The following ZFP64 variants were observed in gnomAD, a reference collection of about 807,000 sequenced individuals.
ZFP64 encodes the protein zinc finger protein 64.
A neutral mutation model predicts 51.6 loss-of-function variants in ZFP64; 14 were observed. The observed-to-expected ratio is 0.27, with a 90% CI of 0.18 to 0.42. ZFP64 has a LOEUF of 0.42. Ranked by LOEUF, ZFP64 falls within the 10% of genes least tolerant of loss-of-function variation. The probability of loss-of-function intolerance (pLI) is 1.00; values close to 1 mark genes in which losing one functional copy is unlikely to be tolerated. For missense variants in ZFP64, 754 were observed against 906.8 expected (o/e 0.83, Z 2.16); for synonymous variants, 375 against 361.4 (o/e 1.04, Z -0.43).
intron 5 of ZFP64, among the ~76,000 whole-genome samples, chr20:52,111,840 G>A (rs1422521550): frequency 6.6e-6 from 1 of 151,906 alleles, no homozygotes; most frequent in Non-Finnish European, 1.5e-5. Context: ...CCAGCACTTT[G>A]GGAGGCTGAG....
intron 8 of ZFP64, among the ~76,000 whole-genome samples, chr20:52,086,375 G>C (rs1479361481): frequency 6.6e-6 from 1 of 152,014 alleles, no homozygotes; most frequent in Admixed American, 6.6e-5. Flanking sequence ...GCTCATTTGG[G>C]GGCACATTTT....
intron 5 of ZFP64, among the ~76,000 whole-genome samples, chr20:52,143,781 C>T (rs1980386391): frequency 1.4e-5 from 2 of 142,312 alleles, no homozygotes; most frequent in East Asian, 4.9e-4. Context: ...AATCCTTGGG[C>T]TCATGTGATC....
chr20:52,182,281 A>C (rs1328089141), intron 2 of ZFP64, among the ~76,000 whole-genome samples: 1 of 152,148 alleles, frequency 6.6e-6, no homozygotes, highest in East Asian at 1.9e-4. Flanking sequence ...AGCACTGTGC[A>C]GGGGAGGGCT....
At chr20:52,099,252 T>G (rs558049768) in intron 5 of ZFP64, among the ~76,000 whole-genome samples, 1 of 151,540 alleles carries the variant, frequency 6.6e-6, no homozygotes, top group African/African-American at 2.4e-5. Context: ...AGGGGAGAGG[T>G]GGAATAAGAT....
intron 4 of ZFP64, among the ~76,000 whole-genome samples, chr20:52,162,122 AC>A (rs2123010694): frequency 6.6e-6 from 1 of 151,416 alleles, no homozygotes; most frequent in African/African-American, 2.4e-5. Flanking sequence ...ACATGGTGAA[AC>A]CCTGTCTGAA....
intron 5 of ZFP64, among the ~76,000 whole-genome samples, chr20:52,130,936 G>A (rs1979693412): frequency 6.6e-6 from 1 of 151,948 alleles, no homozygotes. Flanking sequence ...CATTGTGGCG[G>A]GCGCCTGTAG....
intron 2 of ZFP64, among the ~76,000 whole-genome samples, chr20:52,172,262 A>G (rs1982814572): frequency 6.6e-6 from 1 of 151,456 alleles, no homozygotes; most frequent in South Asian, 2.1e-4. Context: ...CCCTGGGCCA[A>G]CCTCTGTCTC....
chr20:52,185,495 A>C (rs1983893926), intron 2 of ZFP64, among the ~76,000 whole-genome samples: 1 of 152,046 alleles, frequency 6.6e-6, no homozygotes, highest in South Asian at 2.1e-4. Context: ...TCCTTCCTCA[A>C]GCCTTGTTTT....
chr20:52,085,404 T>G lies in ZFP64; in HGVS notation c.1229-138A>C. On this transcript the variant is annotated intron_variant, in intron 8 of 8. Transcript: ENST00000361387. The surrounding 1 kb of genome is among the most constrained non-coding windows in gnomAD (Gnocchi z 4.3). The stretch of plus-strand genomic sequence containing the variant: ...AAACCCAACCTCCTAATGACAACAC[T>G]TGTTGTGCATATTAATGCAATCCTC... 3.4e-6 allele frequency: 3 copies of G among 895,306 alleles called. No homozygotes were observed. Among genetic ancestry groups the G allele is most frequent in the Non-Finnish European group, 5.0e-6 (3 of 600,898 alleles). The allele number at this position is 895,306 out of a possible 1,614,324, so 55.5% of individuals were successfully genotyped here. A position where few individuals can be genotyped will look rare whatever the true frequency, so the allele number is the denominator to read the frequency against.
intron 4 of ZFP64, among the ~76,000 whole-genome samples, chr20:52,163,199 A>C (rs930385705): frequency 6.6e-6 from 1 of 152,114 alleles, no homozygotes; most frequent in Non-Finnish European, 1.5e-5. Flanking sequence ...CGTCTCTACT[A>C]AAAATACAAA....
intron 5 of ZFP64, among the ~76,000 whole-genome samples, chr20:52,124,931 C>T (rs560561715): frequency 2.6e-5 from 4 of 152,206 alleles, no homozygotes; most frequent in Non-Finnish European, 5.9e-5. Context: ...CAAAGTCTCA[C>T]CACTATGATG....
Position 52,186,984 on chromosome 20 carries a change from G to A in ZFP64, c.134C>T (p.Ala45Val). Residue 45 changes from alanine (A) to valine (V), a missense_variant, in exon 2 of 6, where the codon GCC becomes GTC. Around this residue, in one of 3 missense-constraint regions of ZFP64, gnomAD observed 95 missense variants for 97.7 expected, o/e 0.97. Transcript: ENST00000216923. ...ICKQQFNNLDAFVAHKQSGCQ... is the reference protein window; with the variant it reads ...ICKQQFNNLDVFVAHKQSGCQ... ...GCCACTTTGCTTGTGAGCTACAAAG[G>A]CATCCAGGTTGTTAAACTGCTGCTT... 6.8e-6 allele frequency: 11 copies of A among 1,614,096 alleles called. No individual in the cohort carries two copies. The highest frequency in any genetic ancestry group is 9.3e-6 in the Non-Finnish European group (11 of 1,179,970).
At chr20:52,105,559 T>G in intron 5 of ZFP64, 1 of 255,412 alleles carries the variant, frequency 3.9e-6, no homozygotes, top group Non-Finnish European at 7.3e-6. Flanking sequence ...GTGATTCGCA[T>G]GCACATTAAA....
At chr20:52,146,530 G>C (rs1183237722), downstream of ZFP64, among the ~76,000 whole-genome samples, 2 of 144,764 alleles carry the variant, frequency 1.4e-5, no homozygotes. Flanking sequence ...ATTGAACAAT[G>C]AGAACACATG....
rs188513403 is a variant in ZFP64, at chr20:52,107,150, C to T, written c.764-8563G>A. On this transcript the variant is annotated intron_variant, in intron 5 of 8. Coordinates refer to the ZFP64 transcript ENST00000361387. ...TTTATCATATCTCCTTTTGAGGAGA[C>T]TGGATAAACAGTGGTTGCCTCTGGG... 1.5e-3 allele frequency among the ~76,000 whole-genome samples: 231 copies of T among 152,198 alleles called. 2 individuals carry two copies. The highest frequency in any genetic ancestry group is 2.8e-3 in the Admixed American group (43 of 15,288).
At chr20:52,158,339 T>C (rs1449802353) in intron 5 of ZFP64, among the ~76,000 whole-genome samples, 1 of 152,168 alleles carries the variant, frequency 6.6e-6, no homozygotes, top group Non-Finnish European at 1.5e-5. Flanking sequence ...ATGAGACTTG[T>C]TAATGCATTT....
At chr20:52,114,355 T>C (rs4811294) in intron 5 of ZFP64, among the ~76,000 whole-genome samples, 8,069 of 152,232 alleles carry the variant, frequency 0.053, 283 homozygotes, top group Admixed American at 0.11. Context: ...CTGATGCCAG[T>C]GTGTCTCAAA....
chr20:52,116,512 T>G (rs141393158), intron 5 of ZFP64, among the ~76,000 whole-genome samples: 2,202 of 151,930 alleles, frequency 0.014, 24 homozygotes, highest in South Asian at 0.041. Flanking sequence ...AAGAATTAAC[T>G]AAAATAAATA....
Position 52,152,185 on chromosome 20 carries a change from A to G in ZFP64, c.2007T>C (p.His669=). 1 of 1,614,116 alleles carries G rather than the reference A, an allele frequency of 6.2e-7. No homozygotes were observed. The highest frequency in any genetic ancestry group is 1.1e-5 in the South Asian group (1 of 91,084). ...QTYSIIQGAA[H]PALLCPADSI... ...AGTCGGCGGGACAGAGCAAAGCTGG[A>G]TGGGCTGCCCCTTGAATGATGGAGT... Residue 669 remains histidine, a synonymous_variant, in exon 6 of 6, where the codon CAT becomes CAC. Coordinates refer to ENST00000216923, the MANE Select transcript of ZFP64 (RefSeq NM_018197.3).
Sources: allele counts gnomAD v4.1 joint callset (sites outside exome capture counted in the v4.1 genomes callset), GRCh38; gene constraint gnomAD v4.1.1; regional missense constraint gnomAD v4.1.1; non-coding constraint Gnocchi (gnomAD v3.1); transcripts MANE v1.5; gene names NCBI Gene and HGNC (gene_info 2026-07-23, HGNC 2026-07-21).